The following CACNA2D3 variants were observed in gnomAD, a reference collection of about 807,000 sequenced individuals.
The protein encoded by CACNA2D3 is calcium voltage-gated channel auxiliary subunit alpha2delta 3.
Under a neutral mutation model 160.6 loss-of-function variants are expected in CACNA2D3, and 60 were observed. That is an observed-to-expected ratio of 0.37 (90% confidence interval 0.30 to 0.46). CACNA2D3 has a LOEUF of 0.46. CACNA2D3 is among the 20% of genes least tolerant of loss of function. The pLI is 1.00. For synonymous variants in CACNA2D3, 558 were observed against 492.9 expected, an observed-to-expected ratio of 1.13 and a Z score of -1.75; for missense variants, 1,205 against 1,365.0, an observed-to-expected ratio of 0.88 and a Z score of 1.85.
intron 12 of CACNA2D3, among the ~76,000 whole-genome samples, chr3:54,762,990 A>C (rs1702106981): frequency 6.6e-6 from 1 of 152,014 alleles, no homozygotes; most frequent in African/African-American, 2.4e-5. Context: ...CAGGAGGCTG[A>C]AGCAGGAGAA....
At chr3:54,219,379 G>A (rs1039693202) in intron 2 of CACNA2D3, among the ~76,000 whole-genome samples, 2 of 152,142 alleles carry the variant, frequency 1.3e-5, no homozygotes, top group African/African-American at 4.8e-5. Flanking sequence ...ATTCATTTGG[G>A]CTGGGATTCC....
chr3:54,337,981 C>T (rs1291466778), intron 3 of CACNA2D3, among the ~76,000 whole-genome samples: 2 of 152,168 alleles, frequency 1.3e-5, no homozygotes, highest in African/African-American at 4.8e-5. Context: ...CGTTTGGGTG[C>T]CTTAAGTGAG....
intron 17 of CACNA2D3, among the ~76,000 whole-genome samples, chr3:54,847,554 G>T (rs1882319): frequency 6.6e-6 from 1 of 152,096 alleles, no homozygotes; most frequent in African/African-American, 2.4e-5. Flanking sequence ...CCATCATCAT[G>T]CAACTTTGCT....
At chr3:54,490,238 CACAGAA>C (rs1304469635) in intron 4 of CACNA2D3, among the ~76,000 whole-genome samples, 2 of 152,210 alleles carry the variant, frequency 1.3e-5, no homozygotes, top group Non-Finnish European at 2.9e-5. Context: ...CCCATTCGAT[CACAGAA>C]AGACCTGAGG....
At chr3:54,842,558 C>T (rs1288799175) in intron 16 of CACNA2D3, among the ~76,000 whole-genome samples, 2 of 151,538 alleles carry the variant, frequency 1.3e-5, no homozygotes, top group Non-Finnish European at 2.9e-5. Context: ...CCAGTTATTT[C>T]TTTTTTCTTC....
chr3:54,730,789 C>T (rs1701369831), intron 11 of CACNA2D3, among the ~76,000 whole-genome samples: 1 of 152,216 alleles, frequency 6.6e-6, no homozygotes, highest in Non-Finnish European at 1.5e-5. Flanking sequence ...AGGAGTGAGC[C>T]ACTGTGCCCG....
intron 4 of CACNA2D3, among the ~76,000 whole-genome samples, chr3:54,449,383 C>CA (rs1700270362): frequency 1.3e-5 from 2 of 152,210 alleles, no homozygotes; most frequent in Non-Finnish European, 2.9e-5. Flanking sequence ...ATAGTGTGTT[C>CA]ACTTCATGTT....
chr3:54,624,674 A>G (rs1477394450), intron 9 of CACNA2D3, among the ~76,000 whole-genome samples: 1 of 152,206 alleles, frequency 6.6e-6, no homozygotes, highest in Non-Finnish European at 1.5e-5. Flanking sequence ...ACTGAGTGCA[A>G]TTAAGGCATT....
chr3:54,624,509 C>T (rs1699053386), intron 9 of CACNA2D3, among the ~76,000 whole-genome samples: 1 of 152,126 alleles, frequency 6.6e-6, no homozygotes, highest in Admixed American at 6.5e-5. Context: ...GTAGTCCCAG[C>T]TACTCTGGAG....
chr3:54,338,583 C>G (rs559330028), intron 3 of CACNA2D3, among the ~76,000 whole-genome samples: 17 of 151,780 alleles, frequency 1.1e-4, no homozygotes, highest in African/African-American at 3.9e-4. Flanking sequence ...CAATCAGTCG[C>G]TTACAGATAC....
At chr3:54,432,957 A>T (rs1420727575) in intron 4 of CACNA2D3, among the ~76,000 whole-genome samples, 1 of 152,196 alleles carries the variant, frequency 6.6e-6, no homozygotes, top group African/African-American at 2.4e-5. Context: ...GGGTCAAAAA[A>T]AAATTAAGTG....
chr3:54,231,470 A>G (rs1701769253), intron 2 of CACNA2D3, among the ~76,000 whole-genome samples: 1 of 152,196 alleles, frequency 6.6e-6, no homozygotes, highest in Non-Finnish European at 1.5e-5. Context: ...GTTAGTTAAT[A>G]TGTCAGTAAA....
At chr3:54,341,556 A>G (rs1202625505) in intron 3 of CACNA2D3, among the ~76,000 whole-genome samples, 1 of 152,226 alleles carries the variant, frequency 6.6e-6, no homozygotes, top group Admixed American at 6.5e-5. Context: ...GGATGGCATC[A>G]CACAGATAAT....
chr3:54,557,939 G>A (rs1017525053), intron 5 of CACNA2D3, among the ~76,000 whole-genome samples: 3 of 152,120 alleles, frequency 2.0e-5, no homozygotes, highest in African/African-American at 7.2e-5. Context: ...AAGGAATAAG[G>A]CAGGGCAGAG....
intron 3 of CACNA2D3, among the ~76,000 whole-genome samples, chr3:54,325,274 A>G (rs887669558): frequency 2.0e-5 from 3 of 152,188 alleles, no homozygotes; most frequent in African/African-American, 7.2e-5. Context: ...ATCACAGCCA[A>G]GGGGGTGTCA....
chr3:54,349,430 C>A (rs897852043), intron 3 of CACNA2D3, among the ~76,000 whole-genome samples: 14 of 152,186 alleles, frequency 9.2e-5, no homozygotes, highest in Non-Finnish European at 2.1e-4. Context: ...CTTCATGGAG[C>A]CTATCAGCAA....
chr3:54,601,586 G>A (rs1337652367), intron 9 of CACNA2D3, among the ~76,000 whole-genome samples: 1 of 152,076 alleles, frequency 6.6e-6, no homozygotes, highest in Non-Finnish European at 1.5e-5. Flanking sequence ...GGCCTAGGAT[G>A]TTTTTAACAA....
chr3:54,416,725 G>A (rs1699760276), intron 4 of CACNA2D3, among the ~76,000 whole-genome samples: 1 of 151,980 alleles, frequency 6.6e-6, no homozygotes, highest in East Asian at 1.9e-4. Flanking sequence ...TCATCAGTTT[G>A]CTGGTTTTCC....
At chr3:55,067,833 C>T (rs1482892338) in intron 35 of CACNA2D3, among the ~76,000 whole-genome samples, 3 of 152,116 alleles carry the variant, frequency 2.0e-5, no homozygotes, top group Non-Finnish European at 4.4e-5. Flanking sequence ...AACTACTTAC[C>T]AGGCAAGTAA....
Sources: allele counts gnomAD v4.1 joint callset (sites outside exome capture counted in the v4.1 genomes callset), GRCh38; gene constraint gnomAD v4.1.1; transcripts MANE v1.5; gene names NCBI Gene and HGNC (gene_info 2026-07-23, HGNC 2026-07-21).